Variants in SBF2 observed in about 807,000 individuals in gnomAD.
SBF2 encodes the protein myotubularin-related protein 13.
In SBF2, 112 loss-of-function variants were observed where a neutral mutation model predicts 225.2. That is an observed-to-expected ratio of 0.50 (90% CI 0.43 to 0.58). SBF2 has a LOEUF of 0.58. Ranked by LOEUF, SBF2 falls within the 20% of genes least tolerant of loss-of-function variation. The probability of loss-of-function intolerance (pLI) is 0.00; values close to 1 mark genes in which losing one functional copy is unlikely to be tolerated. For missense variants in SBF2, 1,996 were observed against 2,206.2 expected (o/e 0.90, Z 1.91); for synonymous variants, 763 against 773.3 (o/e 0.99, Z 0.22).
chr11:9,794,676 C>CAGAAAAA (rs1852987067), intron 33 of SBF2, among the ~76,000 whole-genome samples: 1 of 35,348 alleles, frequency 2.8e-5, no homozygotes, highest in Non-Finnish European at 4.8e-5. Flanking sequence ...GACTCCGTCT[C>CAGAAAAA]AAAAAAAAAA....
intron 2 of SBF2, among the ~76,000 whole-genome samples, chr11:10,105,174 G>A (rs1407472914): frequency 2.1e-5 from 3 of 145,878 alleles, no homozygotes; most frequent in East Asian, 2.1e-4. Context: ...ATAGATTAGC[G>A]CTGTAAGGGT....
chr11:10,002,351 T>A (rs1372354024), intron 7 of SBF2, among the ~76,000 whole-genome samples: 1 of 152,200 alleles, frequency 6.6e-6, no homozygotes, highest in Admixed American at 6.5e-5. Context: ...TTAAATATTT[T>A]TACACTAATC....
intron 2 of SBF2, among the ~76,000 whole-genome samples, chr11:10,168,054 C>T (rs964195499): frequency 6.6e-6 from 1 of 152,070 alleles, no homozygotes; most frequent in Non-Finnish European, 1.5e-5. Flanking sequence ...AGACCACATT[C>T]CACCCATCAC....
At chr11:9,870,438 T>C (rs1435534935) in intron 17 of SBF2, among the ~76,000 whole-genome samples, 25 of 152,186 alleles carry the variant, frequency 1.6e-4, no homozygotes, top group Admixed American at 1.6e-3. Context: ...GGCATCATGC[T>C]ACCTGACTTC....
At chr11:10,287,582 C>G (rs1963882116) in intron 1 of SBF2, among the ~76,000 whole-genome samples, 1 of 152,136 alleles carries the variant, frequency 6.6e-6, no homozygotes, top group Non-Finnish European at 1.5e-5. Flanking sequence ...AGCCCTATAT[C>G]TATATCTTGA....
At chr11:10,053,651 A>G (rs1590846243) in intron 2 of SBF2, among the ~76,000 whole-genome samples, 1 of 152,084 alleles carries the variant, frequency 6.6e-6, no homozygotes, top group African/African-American at 2.4e-5. Context: ...GCAATTTGGG[A>G]GGCTGAGGCC....
chr11:9,990,262 C>G (rs1162406224), intron 12 of SBF2, among the ~76,000 whole-genome samples: 1 of 152,136 alleles, frequency 6.6e-6, no homozygotes, highest in Non-Finnish European at 1.5e-5. Flanking sequence ...AGACTCACTG[C>G]ATAGGCATAT....
chr11:9,977,364 G>A (rs1465955886), intron 13 of SBF2, among the ~76,000 whole-genome samples: 1 of 151,978 alleles, frequency 6.6e-6, no homozygotes, highest in Non-Finnish European at 1.5e-5. Context: ...ATGTGTGCCT[G>A]TAGTCCCAGC....
intron 3 of SBF2, among the ~76,000 whole-genome samples, chr11:10,037,713 T>A (rs1277943410): frequency 6.6e-6 from 1 of 151,472 alleles, no homozygotes; most frequent in African/African-American, 2.4e-5. Flanking sequence ...TTTTCCTGCA[T>A]GTTCTCTCTA....
At chr11:9,792,921 TTGTGTGTG>T (rs767829391) in intron 33 of SBF2, among the ~76,000 whole-genome samples, 6 of 140,122 alleles carry the variant, frequency 4.3e-5, no homozygotes, top group Admixed American at 3.6e-4. Flanking sequence ...CCCAGCTAAT[TTGTGTGTG>T]TGTGTGTGTG....
intron 2 of SBF2, among the ~76,000 whole-genome samples, chr11:10,097,914 C>G (rs1423904989): frequency 6.6e-6 from 1 of 151,938 alleles, no homozygotes; most frequent in Non-Finnish European, 1.5e-5. Flanking sequence ...CTCACCCCAC[C>G]GACAACACAC....
intron 17 of SBF2, among the ~76,000 whole-genome samples, chr11:9,888,348 T>C (rs1014663870): frequency 2.0e-5 from 3 of 151,806 alleles, no homozygotes; most frequent in Non-Finnish European, 4.4e-5. Context: ...GAAAAAAATT[T>C]TTTTAAATTA....
At chr11:9,787,878 G>A (rs936659451) in intron 35 of SBF2, 140 bp from the exon 36 acceptor site, 18 of 717,966 alleles carry the variant, frequency 2.5e-5, no homozygotes, top group Non-Finnish European at 4.2e-5. Flanking sequence ...ATGGGCCTGT[G>A]AGGTCTCCCA....
intron 32 of SBF2, among the ~76,000 whole-genome samples, chr11:9,801,346 G>A (rs1416086105): frequency 6.6e-6 from 1 of 152,100 alleles, no homozygotes; most frequent in Non-Finnish European, 1.5e-5. Flanking sequence ...ATGGAATTTG[G>A]AGAAACATGA....
rs1851917206 is a variant in SBF2, at chr11:9,780,141, G to C, written c.*277C>G. 1 of 440,532 alleles carries C rather than the reference G, an allele frequency of 2.3e-6. No individual in the cohort carries two copies. Among genetic ancestry groups the C allele is most frequent in the Non-Finnish European group, 4.2e-6 (1 of 236,870 alleles). The allele number at this position is 440,532 out of a possible 1,614,324, so 27.3% of individuals were successfully genotyped here. A position where few individuals can be genotyped will look rare whatever the true frequency, so the allele number is the denominator to read the frequency against. On this transcript the variant is annotated 3_prime_UTR_variant, in exon 40 of 40. Coordinates refer to ENST00000256190, the MANE Select transcript of SBF2 (RefSeq NM_030962.4). ...CCATTTTGCCTGGGTGAGGTTCACA[G>C]TTGGCTCAGGAGACATCTTCTGATC...
In SBF2 at chr11:9,829,725, T is replaced by A. The variant is rs906031342; in HGVS notation, c.3653-229A>T. 84 of 501,274 alleles carry A rather than the reference T, an allele frequency of 1.7e-4. No individual in the cohort carries two copies. In the Admixed American group the frequency reaches 2.7e-3, roughly 16 times the overall value. 31.1% of individuals were successfully genotyped at this position (501,274 alleles called of 1,614,324 possible). A position where few individuals can be genotyped will look rare whatever the true frequency, so the allele number is the denominator to read the frequency against. On this transcript the variant is annotated intron_variant, in intron 27 of 39. Transcript: ENST00000256190. ...CCACACCTACTTCTTGATTGCCTCATTATGCTTCCAGAAAGAGCCCAGGTC... is the reference window on the plus strand; with the variant it reads ...CCACACCTACTTCTTGATTGCCTCAATATGCTTCCAGAAAGAGCCCAGGTC...
At chr11:9,890,303 A>G (rs1860692292) in intron 17 of SBF2, among the ~76,000 whole-genome samples, 1 of 152,218 alleles carries the variant, frequency 6.6e-6, no homozygotes, top group African/African-American at 2.4e-5. Flanking sequence ...AAAACACTAA[A>G]ATTACTAATA....
At chr11:9,829,851 A>G (rs1447317242) in intron 27 of SBF2, among the ~76,000 whole-genome samples, 2 of 152,238 alleles carry the variant, frequency 1.3e-5, no homozygotes, top group Non-Finnish European at 2.9e-5. Flanking sequence ...AAGATTCATG[A>G]ACAACAACGC....
At chr11:10,196,317 T>A (rs1383623231) in intron 1 of SBF2, among the ~76,000 whole-genome samples, 1 of 152,192 alleles carries the variant, frequency 6.6e-6, no homozygotes, top group Non-Finnish European at 1.5e-5. Context: ...TTTAATCACA[T>A]CCCTACATTG....
Sources: allele counts gnomAD v4.1 joint callset (sites outside exome capture counted in the v4.1 genomes callset), GRCh38; gene constraint gnomAD v4.1.1; transcripts MANE v1.5; gene names NCBI Gene and HGNC (gene_info 2026-07-23, HGNC 2026-07-21).